The following ARK2N variants were observed in gnomAD, a reference collection of about 807,000 sequenced individuals.
ARK2N encodes the protein arkadia (RNF111) N-terminal like PKA signaling regulator 2N, also known as protein ARK2N.
At chr18:46,192,838 G>C in the ARK2N span, among the ~76,000 whole-genome samples, 1 of 148,576 alleles carries the variant, frequency 6.7e-6, no homozygotes, top group Admixed American at 6.8e-5. Flanking sequence ...CCAAAGTCTT[G>C]GGATTACAGC....
At chr18:46,246,785 T>C in the ARK2N span, among the ~76,000 whole-genome samples, 3 of 151,866 alleles carry the variant, frequency 2.0e-5, no homozygotes, top group Non-Finnish European at 4.4e-5. Context: ...TCTACTAAAA[T>C]ACAAAATTAG....
chr18:46,261,302 A>G, the ARK2N span, among the ~76,000 whole-genome samples: 1 of 152,192 alleles, frequency 6.6e-6, no homozygotes, highest in African/African-American at 2.4e-5. Flanking sequence ...TCCTTGGCCT[A>G]TCACTTTCAA....
the ARK2N span, among the ~76,000 whole-genome samples, chr18:46,250,069 C>T: frequency 6.6e-6 from 1 of 151,446 alleles, no homozygotes; most frequent in South Asian, 2.1e-4. Context: ...CACTTTTACT[C>T]TTCAGGATGA....
the ARK2N span, among the ~76,000 whole-genome samples, chr18:46,251,916 G>C: frequency 6.6e-6 from 1 of 152,274 alleles, no homozygotes; most frequent in South Asian, 2.1e-4. Context: ...ATTTGGCCAG[G>C]TGCGGTGGCT....
the ARK2N span, chr18:46,174,068 T>C: frequency 2.6e-5 from 4 of 152,326 alleles, no homozygotes; most frequent in African/African-American, 9.7e-5. Flanking sequence ...TCTGGTGACA[T>C]TTTCTTGGGG....
At chr18:46,259,772 C>CTGTGTGTGTGTG in the ARK2N span, among the ~76,000 whole-genome samples, 221 of 104,854 alleles carry the variant, frequency 2.1e-3, 5 homozygotes, top group African/African-American at 3.0e-3. Flanking sequence ...CACCCAGCTA[C>CTGTGTGTGTGTG]TGTGTGTGTG....
the ARK2N span, among the ~76,000 whole-genome samples, chr18:46,251,873 C>T: frequency 1.3e-5 from 2 of 152,280 alleles, no homozygotes; most frequent in South Asian, 4.1e-4. Context: ...AAAAGGTTTA[C>T]ACTCAAGGGT....
the ARK2N span, among the ~76,000 whole-genome samples, chr18:46,257,533 G>C: frequency 7.2e-5 from 11 of 152,132 alleles, no homozygotes; most frequent in South Asian, 1.0e-3. Context: ...GTTATTTCCA[G>C]ATGTTAATTT....
chr18:46,237,779 TGTTGGAAGATGAA>T, the ARK2N span, among the ~76,000 whole-genome samples: 62 of 152,340 alleles, frequency 4.1e-4, no homozygotes, highest in Admixed American at 1.2e-3. Context: ...TGTGGCTTCT[TGTTGGAAGATGAA>T]GTTGGAAGGA....
the ARK2N span, among the ~76,000 whole-genome samples, chr18:46,175,320 G>A: frequency 6.6e-6 from 1 of 152,090 alleles, no homozygotes; most frequent in Non-Finnish European, 1.5e-5. Context: ...GTCAAGGTTG[G>A]ACCTCTTAAT....
chr18:46,259,533 C>T, the ARK2N span, among the ~76,000 whole-genome samples: 43 of 152,048 alleles, frequency 2.8e-4, 1 homozygote, highest in Admixed American at 7.2e-4. Context: ...TGAGCCACCG[C>T]GCCCAGCCAC....
chr18:46,262,439 A>T, the ARK2N span, among the ~76,000 whole-genome samples: 4 of 152,212 alleles, frequency 2.6e-5, no homozygotes, highest in Admixed American at 2.6e-4. Context: ...ACAGACTTTT[A>T]GAAATTTAAT....
At chr18:46,186,750 C>T in the ARK2N span, among the ~76,000 whole-genome samples, 3 of 151,962 alleles carry the variant, frequency 2.0e-5, no homozygotes, top group Admixed American at 6.6e-5. Context: ...CCTCGTGATC[C>T]GCCCACCTCG....
At chr18:46,188,386 A>G in the ARK2N span, among the ~76,000 whole-genome samples, 1 of 152,028 alleles carries the variant, frequency 6.6e-6, no homozygotes, top group African/African-American at 2.4e-5. Context: ...TTTTTAGTAG[A>G]GATGGGGTTT....
the ARK2N span, among the ~76,000 whole-genome samples, chr18:46,182,022 A>G: frequency 1.3e-5 from 2 of 152,228 alleles, no homozygotes; most frequent in Non-Finnish European, 2.9e-5. Context: ...GACCTTTACA[A>G]TAATGTCTGG....
At chr18:46,216,936 C>T in the ARK2N span, 1 of 226,194 alleles carries the variant, frequency 4.4e-6, no homozygotes, top group Non-Finnish European at 8.9e-6. The surrounding 1 kb of genome is among the most constrained non-coding windows in gnomAD (Gnocchi z 4.3). Context: ...CACTGTTCGG[C>T]ATCATTACTG....
the ARK2N span, among the ~76,000 whole-genome samples, chr18:46,197,491 C>T: frequency 6.6e-6 from 1 of 152,216 alleles, no homozygotes; most frequent in African/African-American, 2.4e-5. Context: ...ACCTTGGCCT[C>T]CCAAAGTGCT....
chr18:46,214,551 A>C, the ARK2N span, among the ~76,000 whole-genome samples: 1 of 152,206 alleles, frequency 6.6e-6, no homozygotes. Flanking sequence ...TTAAAGTCTC[A>C]GTTTCCAAGA....
the ARK2N span, chr18:46,233,023 T>G: frequency 6.6e-6 from 1 of 152,188 alleles, no homozygotes; most frequent in Non-Finnish European, 1.5e-5. Flanking sequence ...AGAAACTTGC[T>G]TTTCTGTAAT....
Sources: gnomAD v4.1 joint callset for allele counts (sites outside exome capture counted in the v4.1 genomes callset) on GRCh38, gnomAD v4.1.1 for gene constraint, Gnocchi (gnomAD v3.1) non-coding constraint, MANE v1.5 for transcripts, NCBI Gene and HGNC (gene_info 2026-07-23, HGNC 2026-07-21) for gene names.